The following STK39 variants were observed in gnomAD, a reference collection of about 807,000 sequenced individuals.
STK39 encodes the protein STE20/SPS1-related proline-alanine-rich protein kinase.
Under a neutral mutation model 77.8 loss-of-function variants are expected in STK39, and 20 were observed. That is an observed-to-expected ratio of 0.26 (90% confidence interval 0.18 to 0.37). The LOEUF (loss-of-function observed/expected upper bound fraction) is 0.37, where lower values mean the gene tolerates loss of function less well. Among genes scored for constraint, STK39 ranks in the 10% least tolerant of loss-of-function variants. The probability of loss-of-function intolerance (pLI) is 1.00; values close to 1 mark genes in which losing one functional copy is unlikely to be tolerated. For missense variants in STK39, 479 were observed against 656.5 expected (o/e 0.73, Z 2.95); for synonymous variants, 246 against 234.1 (o/e 1.05, Z -0.47).
intron 14 of STK39, among the ~76,000 whole-genome samples, chr2:168,034,662 T>C (rs564962569): frequency 2.6e-5 from 4 of 152,340 alleles, no homozygotes; most frequent in Non-Finnish European, 5.9e-5. Flanking sequence ...CACAGGGTGC[T>C]ATTTAATTGT....
At chr2:168,010,603 T>A (rs1331666480) in intron 16 of STK39, among the ~76,000 whole-genome samples, 1 of 152,234 alleles carries the variant, frequency 6.6e-6, no homozygotes, top group African/African-American at 2.4e-5. Context: ...CACTTTCCTT[T>A]AAAATATGTC....
intron 17 of STK39, among the ~76,000 whole-genome samples, chr2:167,959,361 G>C (rs13014718): frequency 6.6e-6 from 1 of 151,262 alleles, no homozygotes; most frequent in African/African-American, 2.4e-5. Flanking sequence ...TCCTGACCTC[G>C]TGATCCACAT....
At chr2:168,102,163 T>C (rs377755243) in intron 10 of STK39, among the ~76,000 whole-genome samples, 30 of 151,864 alleles carry the variant, frequency 2.0e-4, no homozygotes, top group African/African-American at 7.0e-4. Flanking sequence ...AACCTTCTCA[T>C]TTCTCTTCCA....
chr2:168,202,457 C>A (rs1360752088), intron 1 of STK39, among the ~76,000 whole-genome samples: 2 of 152,082 alleles, frequency 1.3e-5, no homozygotes, highest in African/African-American at 2.4e-5. Context: ...TCTGAGAAAA[C>A]TAAGGCCCAA....
At chr2:168,050,678 AG>A (rs1685371986) in intron 14 of STK39, among the ~76,000 whole-genome samples, 1 of 152,210 alleles carries the variant, frequency 6.6e-6, no homozygotes, top group African/African-American at 2.4e-5. Context: ...ACTCTCCCCA[AG>A]GGCCTCCAGA....
chr2:167,961,048 G>T (rs1691943507), intron 17 of STK39, among the ~76,000 whole-genome samples: 1 of 152,170 alleles, frequency 6.6e-6, no homozygotes, highest in African/African-American at 2.4e-5. Flanking sequence ...ACTCTTTTAG[G>T]CTGGGAGTAG....
At chr2:168,159,388 C>T (rs1255097759) in intron 5 of STK39, among the ~76,000 whole-genome samples, 1 of 152,094 alleles carries the variant, frequency 6.6e-6, no homozygotes, top group African/African-American at 2.4e-5. Context: ...CCTGTTTCAC[C>T]CACCGACAAG....
chr2:168,094,119 C>A (rs1686598814), intron 10 of STK39, among the ~76,000 whole-genome samples: 1 of 152,164 alleles, frequency 6.6e-6, no homozygotes, highest in Non-Finnish European at 1.5e-5. Flanking sequence ...CCATTCCAAC[C>A]CAGCATTCAT....
rs1683755975 is a variant in STK39, at chr2:167,993,555, TCAACA to T, written c.1498+19074_1498+19078del. ...GAAGGGAATGAGCCTCAGGATAAAA[TCAACA>T]CTGTGGAGAGCCGGGCTAAGGGAAG... On this transcript the variant is annotated intron_variant, in intron 16 of 17. Transcript: ENST00000355999. Among the ~76,000 whole-genome samples the T allele has an allele frequency of 2.0e-5, 3 of 152,184 alleles. No individual in the cohort carries two copies. The East Asian group carries it at 5.8e-4, about 29-fold the overall frequency.
chr2:168,042,577 C>CTTTTTTTTTTTTTTTTTTT (rs540413448), intron 14 of STK39, among the ~76,000 whole-genome samples: 4 of 133,046 alleles, frequency 3.0e-5, no homozygotes, highest in Non-Finnish European at 3.2e-5. Flanking sequence ...TTCCTTCCTT[C>CTTTTTTTTTTTTTTTTTTT]TTTTTTTTTT....
At chr2:168,178,962 G>A (rs187454282) in intron 2 of STK39, among the ~76,000 whole-genome samples, 1 of 152,290 alleles carries the variant, frequency 6.6e-6, no homozygotes, top group East Asian at 1.9e-4. Flanking sequence ...GACGGGGATA[G>A]GTAGTCAGTG....
chr2:168,014,953 T>C (rs1684368706), intron 15 of STK39, among the ~76,000 whole-genome samples: 1 of 152,204 alleles, frequency 6.6e-6, no homozygotes, highest in South Asian at 2.1e-4. Context: ...TTTTCAGGAC[T>C]CCTGGGCACC....
At chr2:168,196,077 A>T (rs1386745214) in intron 1 of STK39, among the ~76,000 whole-genome samples, 2 of 152,238 alleles carry the variant, frequency 1.3e-5, no homozygotes, top group Non-Finnish European at 2.9e-5. Flanking sequence ...AGAAGTTATC[A>T]AACACATATG....
chr2:168,019,016 C>A (rs1684504184), intron 14 of STK39, among the ~76,000 whole-genome samples: 1 of 152,148 alleles, frequency 6.6e-6, no homozygotes, highest in South Asian at 2.1e-4. Context: ...CAAGCCCACA[C>A]CGAGATATGA....
chr2:168,176,290 A>G (rs1365182725), intron 2 of STK39, among the ~76,000 whole-genome samples: 1 of 151,922 alleles, frequency 6.6e-6, no homozygotes, highest in African/African-American at 2.4e-5. Context: ...AGGTTTTGAG[A>G]GTTTCTCCCC....
intron 1 of STK39, among the ~76,000 whole-genome samples, 163 bp downstream of exon 1, chr2:168,247,061 TAAAA>T (rs755613797): frequency 7.1e-4 from 63 of 89,290 alleles, no homozygotes; most frequent in South Asian, 5.3e-3. Context: ...CATTAAAAAT[TAAAA>T]AAAAAAAAAA....
In STK39 at chr2:168,204,373, T is replaced by C. The variant is rs573455598; in HGVS notation, c.209-22283A>G. On this transcript the variant is annotated intron_variant, in intron 1 of 17. Coordinates refer to ENST00000355999, the MANE Select transcript of STK39 (RefSeq NM_013233.3). The stretch of plus-strand genomic sequence containing the variant: ...CCCATCCTCCACCAACCATTGCCAA[T>C]ACAAAGGAAAGAATCTGTCATTCAC... 6.6e-5 allele frequency among the ~76,000 whole-genome samples: 10 copies of C among 152,202 alleles called. No individual in the cohort carries two copies. In the South Asian group the frequency reaches 1.7e-3, roughly 25 times the overall value.
intron 14 of STK39, among the ~76,000 whole-genome samples, chr2:168,041,471 A>G (rs1335821714): frequency 3.5e-5 from 1 of 28,696 alleles, no homozygotes; most frequent in East Asian, 1.2e-3. Context: ...TTGGCTCTTT[A>G]AAAAAAAAAA....
At chr2:167,988,626 T>C (rs1683620720) in intron 16 of STK39, among the ~76,000 whole-genome samples, 1 of 151,976 alleles carries the variant, frequency 6.6e-6, no homozygotes, top group East Asian at 1.9e-4. Context: ...CCTTCTTCCA[T>C]AGGTGAAGGC....
Sources: allele counts gnomAD v4.1 joint callset (sites outside exome capture counted in the v4.1 genomes callset), GRCh38; gene constraint gnomAD v4.1.1; transcripts MANE v1.5; gene names NCBI Gene and HGNC (gene_info 2026-07-23, HGNC 2026-07-21).